The following KCNQ3 variants were observed in gnomAD, a reference collection of about 807,000 sequenced individuals.
KCNQ3 encodes potassium voltage-gated channel subfamily KQT member 3.
KCNQ3 carries 30 observed loss-of-function variants against 92.5 expected under a neutral mutation model. The observed-to-expected ratio is 0.32, with a 90% CI of 0.24 to 0.44. The LOEUF is 0.44. Among genes scored for constraint, KCNQ3 ranks in the 20% least tolerant of loss-of-function variants. The pLI is 1.00. For missense variants in KCNQ3, 913 were observed against 1,140.3 expected (o/e 0.80, Z 2.87); for synonymous variants, 450 against 468.8 (o/e 0.96, Z 0.52).
intron 1 of KCNQ3, among the ~76,000 whole-genome samples, chr8:132,428,022 T>C (rs2130819885): frequency 6.6e-6 from 1 of 152,302 alleles, no homozygotes; most frequent in African/African-American, 2.4e-5. Flanking sequence ...TCTCCTTGTC[T>C]TCCCAGTGCA....
Position 132,223,357 on chromosome 8 carries a change from C to G in KCNQ3, c.387-37176G>C, listed in dbSNP as rs193136682. 8.1e-4 allele frequency among the ~76,000 whole-genome samples: 124 copies of G among 152,328 alleles called. 3 individuals are homozygous for G. Among genetic ancestry groups the G allele is most frequent in the Admixed American group, 6.5e-3 (99 of 15,304 alleles). ...GGGAAGCAGACAGCTGAGCAAATCA[C>G]TGTAATCCCACGTGAGAGGAGGCAC... On this transcript the variant is annotated intron_variant, in intron 1 of 14. Coordinates refer to ENST00000388996, the MANE Select transcript of KCNQ3 (RefSeq NM_004519.4).
chr8:132,282,312 C>T (rs1156300279), intron 1 of KCNQ3, among the ~76,000 whole-genome samples: 1 of 152,188 alleles, frequency 6.6e-6, no homozygotes, highest in African/African-American at 2.4e-5. Context: ...TAAAAAGAGC[C>T]ATGTCCTTCT....
At chr8:132,186,225 G>A in intron 1 of KCNQ3, 44 bp from the exon 2 acceptor site, 2 of 1,444,064 alleles carry the variant, frequency 1.4e-6, no homozygotes, top group Non-Finnish European at 1.9e-6. Flanking sequence ...TTTGAGTCAT[G>A]GCTTGCTTTG....
chr8:132,420,745 A>C (rs1820944293), intron 1 of KCNQ3, among the ~76,000 whole-genome samples: 1 of 152,186 alleles, frequency 6.6e-6, no homozygotes, highest in Non-Finnish European at 1.5e-5. Flanking sequence ...ATGTTGCAAA[A>C]GCAACATGTT....
At chr8:132,390,642 C>CCAGTCTCCAG (rs1820026601) in intron 1 of KCNQ3, among the ~76,000 whole-genome samples, 1 of 151,944 alleles carries the variant, frequency 6.6e-6, no homozygotes, top group Non-Finnish European at 1.5e-5. Context: ...CTCAGGTTCT[C>CCAGTCTCCAG]CAGTCTCCAG....
chr8:132,187,292 T>A (rs931116503), intron 1 of KCNQ3: 5 of 455,980 alleles, frequency 1.1e-5, no homozygotes, highest in African/African-American at 2.0e-5. Context: ...ATAGGCTGGA[T>A]CTGTCCTCAC....
chr8:132,171,905 C>T (rs1007283575), intron 7 of KCNQ3, among the ~76,000 whole-genome samples: 6 of 151,982 alleles, frequency 3.9e-5, no homozygotes, highest in Non-Finnish European at 8.8e-5. Context: ...CCTATAATCC[C>T]AGAACTCTGG....
chr8:132,193,655 G>A (rs1012746221), intron 1 of KCNQ3, among the ~76,000 whole-genome samples: 5 of 152,162 alleles, frequency 3.3e-5, no homozygotes, highest in African/African-American at 4.8e-5. Context: ...AGACAAACAC[G>A]GTGAAAACAT....
intron 1 of KCNQ3, among the ~76,000 whole-genome samples, chr8:132,454,796 T>C (rs1563917916): frequency 6.6e-6 from 1 of 152,110 alleles, no homozygotes; most frequent in Non-Finnish European, 1.5e-5. Context: ...AACCCAAGTG[T>C]CCCTTCATGA....
chr8:132,170,529 A>G (rs1826297284), intron 7 of KCNQ3, 101 bp from the exon 8 acceptor site: 1 of 786,310 alleles, frequency 1.3e-6, no homozygotes, highest in East Asian at 2.5e-5. Flanking sequence ...TGGACTCCTA[A>G]GAATTTGAAT....
chr8:132,384,016 G>GA (rs5895140), intron 1 of KCNQ3, among the ~76,000 whole-genome samples: 22,123 of 152,166 alleles, frequency 0.15, 1,796 homozygotes, highest in African/African-American at 0.21. Context: ...TAACTAAGGA[G>GA]AATGGGAGTC....
At chr8:132,415,805 A>G (rs1201365962) in intron 1 of KCNQ3, among the ~76,000 whole-genome samples, 1 of 152,224 alleles carries the variant, frequency 6.6e-6, no homozygotes, top group Non-Finnish European at 1.5e-5. Flanking sequence ...TCAACAGGCC[A>G]CAGTACATAT....
intron 1 of KCNQ3, among the ~76,000 whole-genome samples, chr8:132,201,057 T>C (rs771011540): frequency 5.3e-5 from 8 of 151,988 alleles, no homozygotes; most frequent in Non-Finnish European, 1.0e-4. Flanking sequence ...AGCAAGAGAG[T>C]AAGAGGGGGC....
intron 1 of KCNQ3, among the ~76,000 whole-genome samples, chr8:132,401,271 T>A (rs1189433847): frequency 6.6e-6 from 1 of 152,238 alleles, no homozygotes; most frequent in East Asian, 1.9e-4. Flanking sequence ...TTGAATCTTA[T>A]GAAATCCACT....
Position 132,458,350 on chromosome 8 carries a change from A to C in KCNQ3, c.386+21797T>G, listed in dbSNP as rs574589514. ...AGCATTGCAGTGGGCCAGGCCCATG[A>C]AGGCATCCAAGCTTCCAGAACCAGA... On this transcript the variant is annotated intron_variant, in intron 1 of 14. Coordinates refer to ENST00000388996, the MANE Select transcript of KCNQ3 (RefSeq NM_004519.4). Among the ~76,000 whole-genome samples, 52 of 152,378 alleles carry C rather than the reference A, an allele frequency of 3.4e-4. No homozygotes were observed. In the East Asian group the frequency reaches 9.8e-3, roughly 29 times the overall value.
At chr8:132,306,974 C>T (rs912621035) in intron 1 of KCNQ3, among the ~76,000 whole-genome samples, 14 of 152,114 alleles carry the variant, frequency 9.2e-5, no homozygotes, top group African/African-American at 3.4e-4. Flanking sequence ...GGAGTCTTGG[C>T]TAGTGACATT....
chr8:132,232,853 G>A (rs779126701), intron 1 of KCNQ3, among the ~76,000 whole-genome samples: 17 of 152,124 alleles, frequency 1.1e-4, no homozygotes, highest in African/African-American at 4.1e-4. Flanking sequence ...AAGTCTTTTG[G>A]TTTTTCCTCA....
chr8:132,453,287 A>G (rs1305737731), intron 1 of KCNQ3, among the ~76,000 whole-genome samples: 1 of 152,182 alleles, frequency 6.6e-6, no homozygotes, highest in African/African-American at 2.4e-5. Context: ...ACAGCCCCTG[A>G]AGGGCTTTGA....
At chr8:132,257,125 T>G (rs1815614956) in intron 1 of KCNQ3, among the ~76,000 whole-genome samples, 2 of 152,166 alleles carry the variant, frequency 1.3e-5, no homozygotes, top group African/African-American at 4.8e-5. Context: ...AGAATGGAGC[T>G]ATATAGGAGC....
Sources: gnomAD v4.1 joint callset for allele counts (sites outside exome capture counted in the v4.1 genomes callset) on GRCh38, gnomAD v4.1.1 for gene constraint, MANE v1.5 for transcripts, NCBI Gene and HGNC (gene_info 2026-07-23, HGNC 2026-07-21) for gene names.